Variants in XRCC3 observed in about 807,000 individuals in gnomAD.
XRCC3 encodes DNA repair protein XRCC3.
In XRCC3, 34 loss-of-function variants were observed where a neutral mutation model predicts 29.2. That is an observed-to-expected ratio of 1.16 (90% CI 0.88 to 1.55). The LOEUF is 1.55. Among genes scored for constraint, XRCC3 ranks in the 40% most tolerant of loss-of-function variants. XRCC3 has a pLI of 0.00. For missense variants in XRCC3, 463 were observed against 467.6 expected, an observed-to-expected ratio of 0.99 and a Z score of 0.09; for synonymous variants, 223 against 211.3, an observed-to-expected ratio of 1.06 and a Z score of -0.48.
Position 103,707,648 on chromosome 14 carries a change from C to T in XRCC3, c.194-433G>A, listed in dbSNP as rs1595668684. 4 of 282,374 alleles carry T rather than the reference C, an allele frequency of 1.4e-5. No individual in the cohort carries two copies. The East Asian group carries it at 3.7e-4, about 26-fold the overall frequency. 17.5% of individuals were successfully genotyped at this position (282,374 alleles called of 1,614,324 possible). On this transcript the variant is annotated intron_variant, in intron 5 of 9. Coordinates refer to ENST00000555055, the MANE Select transcript of XRCC3 (RefSeq NM_005432.4). ...GGCGCGCACACATGCACACCACATG[C>T]CGTCAGTTCTCTGTGACAGATACCA...
intron 9 of XRCC3, 56 bp downstream of exon 9, chr14:103,699,077 C>G: frequency 6.4e-7 from 1 of 1,563,630 alleles, no homozygotes; most frequent in Non-Finnish European, 8.7e-7. Context: ...CCACTTCGGC[C>G]CAGCTGTGCC....
At chr14:103,710,773 C>T (rs938061288) in intron 4 of XRCC3, 2 of 482,508 alleles carry the variant, frequency 4.1e-6, no homozygotes, top group Non-Finnish European at 7.4e-6. Context: ...CTTTATGTGG[C>T]TCCATTTTAC....
intron 1 of XRCC3, chr14:103,713,892 C>T (rs2083714216): frequency 6.6e-6 from 1 of 152,206 alleles, no homozygotes; most frequent in Non-Finnish European, 1.5e-5. Flanking sequence ...ACTGCAAAAA[C>T]AGACATCAGC....
At chr14:103,711,289 C>A in intron 3 of XRCC3, 44 bp from the exon 4 acceptor site, 1 of 684,610 alleles carries the variant, frequency 1.5e-6, no homozygotes, top group South Asian at 1.6e-5. Flanking sequence ...GGCTGTCTAG[C>A]TACATCTAGG....
At chr14:103,710,100 T>C (rs778031784) in intron 4 of XRCC3, 2 of 152,252 alleles carry the variant, frequency 1.3e-5, no homozygotes, top group Non-Finnish European at 2.9e-5. Flanking sequence ...GCGGCTGGCA[T>C]GGGGAGCAGG....
At chr14:103,699,749 A>G (rs905004456) in intron 7 of XRCC3, among the ~76,000 whole-genome samples, 173 bp from the exon 8 acceptor site, 1 of 152,058 alleles carries the variant, frequency 6.6e-6, no homozygotes, top group Non-Finnish European at 1.5e-5. Flanking sequence ...TTTTTCTCAA[A>G]GAGGCCCCAA....
Position 103,698,471 on chromosome 14 carries a change from G to A in XRCC3, c.*327C>T. 2.6e-6 allele frequency: 1 copy of A among 391,768 alleles called. No individual in the cohort carries two copies. The highest frequency in any genetic ancestry group is 4.8e-6 in the Non-Finnish European group (1 of 207,804). The allele number at this position is 391,768 out of a possible 1,614,324, so 24.3% of individuals were successfully genotyped here. A position where few individuals can be genotyped will look rare whatever the true frequency, so the allele number is the denominator to read the frequency against. ...GGCTTCCATGTGGAGAGAAGAAGCA[G>A]GCGGCTCCCAGGGAGTCACTGTAGG... is the stretch of plus-strand genomic sequence containing the variant. On this transcript the variant is annotated 3_prime_UTR_variant, in exon 10 of 10. Transcript: ENST00000555055.
intron 2 of XRCC3, chr14:103,712,065 G>A (rs1207845421): frequency 9.8e-6 from 3 of 306,782 alleles, no homozygotes; most frequent in African/African-American, 4.3e-5. Context: ...ACACGATCAC[G>A]CTGGTCACTC....
In XRCC3 at chr14:103,699,544, G is replaced by A; in HGVS notation, c.594C>T (p.Val198=). The part of the protein sequence containing the change: ...DTLLECVNKK[V]PVLLSRGMAR... The stretch of plus-strand genomic sequence containing the variant: ...CCATGCCCCGAGACAGCAGTACGGG[G>A]ACCTTCTTATTCACACACTCCAACA... Residue 198 remains valine, a synonymous_variant, in exon 8 of 10, where the codon GTC becomes GTT. Transcript: ENST00000555055. The A allele has an allele frequency of 1.9e-6, 3 of 1,613,462 alleles. No individual in the cohort carries two copies. Among genetic ancestry groups the A allele is most frequent in the Non-Finnish European group, 2.5e-6 (3 of 1,179,974 alleles).
intron 4 of XRCC3, chr14:103,708,898 A>AT (rs1310181678): frequency 1.9e-6 from 1 of 526,280 alleles, no homozygotes; most frequent in East Asian, 3.7e-5. Flanking sequence ...ACTCGGACAG[A>AT]TACCAGCCTC....
At chr14:103,701,051 C>T in intron 7 of XRCC3, 1 of 969,260 alleles carries the variant, frequency 1.0e-6, no homozygotes, top group Non-Finnish European at 1.6e-6. Context: ...CCCATGACCC[C>T]TCGGCCCCAG....
chr14:103,710,479 G>T (rs11626482), intron 4 of XRCC3: 7,748 of 152,846 alleles, frequency 0.051, 292 homozygotes, highest in Middle Eastern at 0.092. Context: ...GGTGGCTCAT[G>T]CCTGTAATCC....
Position 103,701,443 on chromosome 14 carries a change from G to A in XRCC3, c.561+1730C>T, listed in dbSNP as rs1006871250. On this transcript the variant is annotated intron_variant, in intron 7 of 9. Coordinates refer to ENST00000555055, the MANE Select transcript of XRCC3 (RefSeq NM_005432.4). The stretch of plus-strand genomic sequence containing the variant: ...GTCTCTCCCAGGAGACCTGGGGCAT[G>A]AGCTGGGCCCACGGCTCCCTTCCCA... The A allele has an allele frequency of 2.9e-5, 13 of 446,346 alleles. No homozygotes were observed. The Admixed American group carries it at 3.4e-4, about 12-fold the overall frequency. 27.6% of individuals were successfully genotyped at this position (446,346 alleles called of 1,614,324 possible). A position where few individuals can be genotyped will look rare whatever the true frequency, so the allele number is the denominator to read the frequency against.
At chr14:103,706,776 G>C in intron 6 of XRCC3, 2 of 601,738 alleles carry the variant, frequency 3.3e-6, no homozygotes, top group Non-Finnish European at 5.9e-6. Flanking sequence ...CCGGCTGCCT[G>C]GTGGTGGGGT....
chr14:103,707,602 C>T (rs934477783), intron 5 of XRCC3: 5 of 358,538 alleles, frequency 1.4e-5, no homozygotes, highest in Admixed American at 1.2e-4. Context: ...AGTTCTCAAG[C>T]GGCTTTAATG....
At position 103,698,623 on chromosome 14, in the gene XRCC3, T is replaced by G; in HGVS notation, c.*175A>C. Reference sequence around the variant, plus strand: ...AGGCAGAACATCCCCCCAGCTCAGATGGGGGTCAGTCTGTGGCCACCATCT... The same window carrying G: ...AGGCAGAACATCCCCCCAGCTCAGAGGGGGGTCAGTCTGTGGCCACCATCT... On this transcript the variant is annotated 3_prime_UTR_variant, in exon 10 of 10. Coordinates refer to ENST00000555055, the MANE Select transcript of XRCC3 (RefSeq NM_005432.4). 6 of 652,016 alleles carry G rather than the reference T, an allele frequency of 9.2e-6. No homozygotes were observed. Among genetic ancestry groups the G allele is most frequent in the Non-Finnish European group, 1.6e-5 (6 of 370,106 alleles). The allele number at this position is 652,016 out of a possible 1,614,324, so 40.4% of individuals were successfully genotyped here. A position where few individuals can be genotyped will look rare whatever the true frequency, so the allele number is the denominator to read the frequency against.
At chr14:103,703,429 C>T in intron 6 of XRCC3, 102 bp from the exon 7 acceptor site, 3 of 1,354,596 alleles carry the variant, frequency 2.2e-6, no homozygotes, top group South Asian at 2.5e-5. Context: ...TAACTCTCTG[C>T]CCCTCACAGG....
At chr14:103,707,353 C>A in intron 5 of XRCC3, 138 bp from the exon 6 acceptor site, 2 of 1,102,252 alleles carry the variant, frequency 1.8e-6, no homozygotes, top group Non-Finnish European at 2.7e-6. Flanking sequence ...TGGGGGTGAG[C>A]AAGGTGCTGA....
rs1422863579 is a variant in XRCC3 at position 103,700,547 on chromosome 14, T to G, written c.562-971A>C. ...TGCTAAGGGGCCCCTAGGCTGTCCC[T>G]CAAGTCCAAGGTCTGCAGCCACACG... On this transcript the variant is annotated intron_variant, in intron 7 of 9. Transcript: ENST00000555055. 4 of 902,452 alleles carry G rather than the reference T, an allele frequency of 4.4e-6. No individual in the cohort carries two copies. The East Asian group carries it at 8.0e-5, about 18-fold the overall frequency. 55.9% of individuals were successfully genotyped at this position (902,452 alleles called of 1,614,324 possible). A position where few individuals can be genotyped will look rare whatever the true frequency, so the allele number is the denominator to read the frequency against.
Sources: gnomAD v4.1 joint callset for allele counts (sites outside exome capture counted in the v4.1 genomes callset) on GRCh38, gnomAD v4.1.1 for gene constraint, MANE v1.5 for transcripts, NCBI Gene and HGNC (gene_info 2026-07-23, HGNC 2026-07-21) for gene names.